Variants in ABCA4 observed in about 807,000 individuals in gnomAD.
ABCA4 encodes the protein ATP binding cassette subfamily A member 4, also known as retinal-specific phospholipid-transporting ATPase ABCA4.
A neutral mutation model predicts 263.7 loss-of-function variants in ABCA4; 196 were observed. The ratio of observed to expected loss-of-function variants is 0.74; its 90% CI spans 0.66 to 0.84. The LOEUF is 0.84. Ranked by LOEUF, ABCA4 falls within the 40% of genes least tolerant of loss-of-function variation. The pLI, the probability that ABCA4 is intolerant of heterozygous loss-of-function variation, is 0.00. For missense variants in ABCA4, 2,792 were observed against 2,855.1 expected, an observed-to-expected ratio of 0.98 and a Z score of 0.50; for synonymous variants, 1,133 against 1,094.2, an observed-to-expected ratio of 1.04 and a Z score of -0.70.
intron 4 of ABCA4, among the ~76,000 whole-genome samples, chr1:94,104,101 T>C (rs1344724032): frequency 6.6e-6 from 1 of 152,188 alleles, no homozygotes; most frequent in Non-Finnish European, 1.5e-5. Context: ...CGAATTAATA[T>C]AATTCTTACC....
intron 29 of ABCA4, among the ~76,000 whole-genome samples, chr1:94,029,997 T>C (rs1387870397): frequency 6.6e-6 from 1 of 152,256 alleles, no homozygotes; most frequent in Non-Finnish European, 1.5e-5. Flanking sequence ...ATTGAACTTT[T>C]AGGATTCCTG....
At chr1:94,009,254 G>A (rs569665688) in intron 40 of ABCA4, among the ~76,000 whole-genome samples, 21 of 152,256 alleles carry the variant, frequency 1.4e-4, no homozygotes, top group Admixed American at 2.6e-4. Context: ...TGGGATCACC[G>A]TCAGGACTAA....
intron 8 of ABCA4, 65 bp downstream of exon 8, chr1:94,080,413 A>G: frequency 5.0e-6 from 8 of 1,603,844 alleles, no homozygotes; most frequent in Middle Eastern, 1.9e-4. Context: ...TTCACCTAGA[A>G]GTGTTAAACC....
At chr1:93,997,438 T>C (rs1384031307) in intron 48 of ABCA4, among the ~76,000 whole-genome samples, 5 of 151,618 alleles carry the variant, frequency 3.3e-5, no homozygotes, top group Non-Finnish European at 1.5e-5. Flanking sequence ...TCTGATTTTT[T>C]TTTTTTTTTT....
In ABCA4 at chr1:93,997,940, C is replaced by T; in HGVS notation, c.6650G>A (p.Arg2217Lys). The change falls in exon 48 of 50, where the codon AGG (arginine) becomes AAG (lysine). Residue 2217 changes from arginine to lysine, a missense_variant. Physicochemically the swap from Arg to Lys is conservative, Grantham distance 26 (BLOSUM62 2). Transcript: ENST00000370225. ...GTGGGAGAGGAGGAGCTGGAAGATC[C>T]TCGCCAGGGAGGAGGAGGAGACCTG... ...QFQVSSSSLA[R>K]IFQLLLSHKD... is the part of the protein sequence containing the mutation. 2 of 1,614,070 alleles carry T rather than the reference C, an allele frequency of 1.2e-6. No individual in the cohort carries two copies. Among genetic ancestry groups the T allele is most frequent in the Non-Finnish European group, 1.7e-6 (2 of 1,179,998 alleles).
At position 94,018,423 on chromosome 1, in the gene ABCA4, C is replaced by T. The variant is rs80110715; in HGVS notation, c.5196+1159G>A. 2.6e-3 allele frequency: 982 copies of T among 371,224 alleles called. 21 individuals carry two copies. The East Asian group carries it at 0.051, about 19-fold the overall frequency. The allele number at this position is 371,224 out of a possible 1,614,324, so 23.0% of individuals were successfully genotyped here. A position where few individuals can be genotyped will look rare whatever the true frequency, so the allele number is the denominator to read the frequency against. ...GGCTTTCAGGTTCTGACCTCCTCCCCGTGCATTTATGAGTGTTTCCTCGTG... is the reference window on the plus strand; with the variant it reads ...GGCTTTCAGGTTCTGACCTCCTCCCTGTGCATTTATGAGTGTTTCCTCGTG... On this transcript the variant is annotated intron_variant, in intron 36 of 49. Transcript: ENST00000370225.
At chr1:94,009,469 GC>G (rs1482461717) in intron 40 of ABCA4, among the ~76,000 whole-genome samples, 5 of 152,044 alleles carry the variant, frequency 3.3e-5, no homozygotes, top group Admixed American at 3.3e-4. Flanking sequence ...CTGCAATCCA[GC>G]CCCACCTACC....
chr1:94,016,940 G>A (rs1659763683), intron 36 of ABCA4, among the ~76,000 whole-genome samples: 1 of 152,108 alleles, frequency 6.6e-6, no homozygotes, highest in Non-Finnish European at 1.5e-5. Context: ...CTGTGCCATT[G>A]AGCATGGAGG....
chr1:93,994,496 C>T (rs1041675174), intron 49 of ABCA4, among the ~76,000 whole-genome samples: 1 of 152,146 alleles, frequency 6.6e-6, no homozygotes, highest in Non-Finnish European at 1.5e-5. Flanking sequence ...TCTAAAACTT[C>T]TTGAGAGAAA....
chr1:94,014,957 C>G (rs913802751), intron 37 of ABCA4, among the ~76,000 whole-genome samples: 3 of 152,170 alleles, frequency 2.0e-5, no homozygotes, highest in African/African-American at 7.2e-5. Context: ...CTACAAAGCC[C>G]TGTACAATTC....
chr1:94,006,633 C>CCCCTG (rs758779704), intron 43 of ABCA4, among the ~76,000 whole-genome samples: 12 of 152,212 alleles, frequency 7.9e-5, no homozygotes, highest in Non-Finnish European at 1.5e-4. Context: ...CCTGGCTTCA[C>CCCCTG]CCCTGCCTGT....
At chr1:94,044,884 T>C in intron 19 of ABCA4, 140 bp from the exon 20 acceptor site, 3 of 1,350,618 alleles carry the variant, frequency 2.2e-6, no homozygotes, top group South Asian at 1.2e-5. Context: ...CCCTATTAGC[T>C]GTGGGGCCCC....
At chr1:94,064,338 G>A (rs1661208853) in intron 11 of ABCA4, among the ~76,000 whole-genome samples, 1 of 152,244 alleles carries the variant, frequency 6.6e-6, no homozygotes, top group East Asian at 1.9e-4. Flanking sequence ...ATGAAAGCAA[G>A]CCCAGTGTAT....
chr1:94,014,769 C>T (rs867772323), intron 37 of ABCA4, 79 bp from the exon 38 acceptor site: 530 of 1,564,178 alleles, frequency 3.4e-4, no homozygotes, highest in Middle Eastern at 3.2e-3. Context: ...ATAATGCACT[C>T]CCCTTACACC....
At position 94,015,837 on chromosome 1, in the gene ABCA4, A is replaced by G. The variant is rs772236881; in HGVS notation, c.5214T>C (p.Ser1738=). ...FLWDIMNYSV[S]AGLVVGIFIG... Reference sequence around the variant, plus strand: ...TGAAGATGCCCACCACCAGCCCAGCACTCACGGAATAATTCATCTCGGAAA... The same window carrying G: ...TGAAGATGCCCACCACCAGCCCAGCGCTCACGGAATAATTCATCTCGGAAA... Residue 1738 remains serine (S), a synonymous_variant, in exon 37 of 50, where the codon AGT becomes AGC. Coordinates refer to ENST00000370225, the MANE Select transcript of ABCA4 (RefSeq NM_000350.3). 6 of 1,613,742 alleles carry G rather than the reference A, an allele frequency of 3.7e-6. No homozygotes were observed. The Admixed American group carries it at 1.0e-4, about 27-fold the overall frequency.
intron 23 of ABCA4, 97 bp downstream of exon 23, chr1:94,041,112 G>A (rs1457221827): frequency 1.6e-6 from 2 of 1,250,584 alleles, no homozygotes; most frequent in Non-Finnish European, 2.3e-6. Flanking sequence ...GATTCTGGTG[G>A]CGAGAGCCTG....
rs377670057 is a variant in ABCA4 at position 94,055,137 on chromosome 1, G to C, written c.2561C>G (p.Ala854Gly). ...LLDAAVYGLLAWYLDQVFPGD... is the reference protein window; with the variant it reads ...LLDAAVYGLLGWYLDQVFPGD... ...TGGAAACACCTGATCAAGGTACCAA[G>C]CGAGTAAGCCATAGACAGCAGCATC... Residue 854 changes from alanine to glycine, a missense_variant, in exon 16 of 50, where the codon GCT becomes GGT. Transcript: ENST00000370225. The C allele has an allele frequency of 2.5e-5, 41 of 1,614,026 alleles. 1 individual carries two copies. Among genetic ancestry groups the C allele is most frequent in the Non-Finnish European group, 2.8e-5 (33 of 1,180,028 alleles).
At chr1:94,039,944 C>T (rs1660441851) in intron 24 of ABCA4, 99 bp downstream of exon 24, 12 of 1,006,738 alleles carry the variant, frequency 1.2e-5, no homozygotes, top group Middle Eastern at 2.1e-4. Flanking sequence ...ACCCAGTGTT[C>T]TCTTTGCTCC....
At chr1:94,024,419 A>C (rs2151847) in intron 31 of ABCA4, among the ~76,000 whole-genome samples, 82,134 of 152,088 alleles carry the variant, frequency 0.54, 22,345 homozygotes, top group Middle Eastern at 0.61. Context: ...GCAGTGATCA[A>C]AGATGATAAT....
Sources: gnomAD v4.1 joint callset for allele counts (sites outside exome capture counted in the v4.1 genomes callset) on GRCh38, gnomAD v4.1.1 for gene constraint, MANE v1.5 for transcripts, NCBI Gene and HGNC (gene_info 2026-07-23, HGNC 2026-07-21) for gene names.